THSD7A: variants seen among roughly 807,000 people sequenced by gnomAD.
THSD7A encodes thrombospondin type-1 domain-containing protein 7A.
THSD7A carries 96 observed loss-of-function variants against 231.3 expected under a neutral mutation model. The observed-to-expected ratio is 0.41, with a 90% CI of 0.35 to 0.49. The LOEUF is 0.49. Among genes scored for constraint, THSD7A ranks in the 20% least tolerant of loss-of-function variants. The pLI is 0.05. For missense variants in THSD7A, 2,290 were observed against 2,070.2 expected, an observed-to-expected ratio of 1.11 and a Z score of -2.06; for synonymous variants, 940 against 743.3, an observed-to-expected ratio of 1.26 and a Z score of -4.30.
At chr7:11,798,662 A>T (rs184183705) in intron 1 of THSD7A, among the ~76,000 whole-genome samples, 1 of 152,136 alleles carries the variant, frequency 6.6e-6, no homozygotes, top group Admixed American at 6.6e-5. Flanking sequence ...TTAGAACTGA[A>T]AAATGTGAAC....
intron 4 of THSD7A, among the ~76,000 whole-genome samples, chr7:11,543,942 T>C (rs1789260518): frequency 6.6e-6 from 1 of 152,356 alleles, no homozygotes; most frequent in South Asian, 2.1e-4. Context: ...TAAAACTATA[T>C]GGACAGAGGA....
intron 1 of THSD7A, among the ~76,000 whole-genome samples, chr7:11,648,641 T>TGTGTGTGG (rs762320991): frequency 6.6e-6 from 1 of 150,410 alleles, no homozygotes; most frequent in Admixed American, 6.7e-5. Context: ...TTGTGGCGTG[T>TGTGTGTGG]GTGTGTGTGT....
At chr7:11,624,937 T>C (rs1260839556) in intron 2 of THSD7A, among the ~76,000 whole-genome samples, 3 of 152,118 alleles carry the variant, frequency 2.0e-5, no homozygotes, top group African/African-American at 2.4e-5. Flanking sequence ...TAGATTAGAA[T>C]GCCAGAGAAG....
chr7:11,687,791 C>G (rs1442384344), intron 1 of THSD7A, among the ~76,000 whole-genome samples: 1 of 151,854 alleles, frequency 6.6e-6, no homozygotes, highest in Non-Finnish European at 1.5e-5. Flanking sequence ...GCTAATGAAG[C>G]CAACTAGAAC....
intron 6 of THSD7A, among the ~76,000 whole-genome samples, chr7:11,492,447 G>A (rs1392162275): frequency 6.6e-6 from 1 of 151,998 alleles, no homozygotes; most frequent in Non-Finnish European, 1.5e-5. Flanking sequence ...TTATGAAATA[G>A]CTTAAATATA....
At chr7:11,521,228 A>G (rs1788248767) in intron 6 of THSD7A, among the ~76,000 whole-genome samples, 1 of 152,152 alleles carries the variant, frequency 6.6e-6, no homozygotes, top group Non-Finnish European at 1.5e-5. Flanking sequence ...TAGTTGCTCC[A>G]TTAGAAGTAC....
intron 1 of THSD7A, among the ~76,000 whole-genome samples, chr7:11,657,569 A>G (rs75754007): frequency 6.6e-6 from 1 of 151,678 alleles, no homozygotes; most frequent in East Asian, 1.9e-4. Flanking sequence ...TACACTCTTA[A>G]GTTATGTAGG....
In THSD7A at chr7:11,400,226, G is replaced by A. The variant is rs537906546; in HGVS notation, c.4411+1569C>T. 1.1e-4 allele frequency among the ~76,000 whole-genome samples: 17 copies of A among 151,350 alleles called. No individual in the cohort carries two copies. The South Asian group carries it at 3.6e-3, about 32-fold the overall frequency. ...ACCTAATGTAAATGACGAGTTAATG[G>A]GTGCAGCACACCAACATGGCACATG... On this transcript the variant is annotated intron_variant, in intron 23 of 27. Coordinates refer to ENST00000423059, the MANE Select transcript of THSD7A (RefSeq NM_015204.3).
At chr7:11,455,023 G>A (rs1338216474) in intron 11 of THSD7A, among the ~76,000 whole-genome samples, 1 of 152,016 alleles carries the variant, frequency 6.6e-6, no homozygotes, top group Non-Finnish European at 1.5e-5. Flanking sequence ...TGAAGGTGAG[G>A]TCATGAGTGT....
At chr7:11,771,585 A>G (rs1028439133) in intron 1 of THSD7A, among the ~76,000 whole-genome samples, 1 of 152,124 alleles carries the variant, frequency 6.6e-6, no homozygotes, top group Non-Finnish European at 1.5e-5. Context: ...ATTTCAATAT[A>G]TACATACCAG....
At chr7:11,755,794 A>T (rs1246281636) in intron 1 of THSD7A, among the ~76,000 whole-genome samples, 2 of 152,054 alleles carry the variant, frequency 1.3e-5, no homozygotes, top group African/African-American at 4.8e-5. Context: ...GATAAGTTTA[A>T]ATTTCAAAGA....
At chr7:11,785,873 G>A (rs1783773582) in intron 1 of THSD7A, among the ~76,000 whole-genome samples, 2 of 152,016 alleles carry the variant, frequency 1.3e-5, no homozygotes, top group South Asian at 2.1e-4. Flanking sequence ...AACATCAAAT[G>A]TGCTCTTAGG....
intron 6 of THSD7A, among the ~76,000 whole-genome samples, chr7:11,484,678 T>G (rs1047124473): frequency 2.6e-4 from 39 of 152,044 alleles, no homozygotes; most frequent in African/African-American, 9.2e-4. Flanking sequence ...GTTAAATAAA[T>G]ACATAAATTT....
intron 6 of THSD7A, among the ~76,000 whole-genome samples, chr7:11,506,600 A>G (rs1167411955): frequency 1.3e-5 from 2 of 152,162 alleles, no homozygotes; most frequent in Admixed American, 6.5e-5. Flanking sequence ...CCCAACTTCT[A>G]AAAGGCCCTG....
chr7:11,518,041 G>C (rs1788105762), intron 6 of THSD7A, among the ~76,000 whole-genome samples: 1 of 152,172 alleles, frequency 6.6e-6, no homozygotes, highest in African/African-American at 2.4e-5. Flanking sequence ...AAGAGAGCTT[G>C]ACTGCTTGCT....
intron 1 of THSD7A, among the ~76,000 whole-genome samples, chr7:11,714,448 T>C (rs1304836847): frequency 6.6e-6 from 1 of 151,202 alleles, no homozygotes; most frequent in African/African-American, 2.4e-5. Context: ...TACTTTCCAT[T>C]TTGTATAGAT....
chr7:11,650,390 C>T (rs74665945), intron 1 of THSD7A, among the ~76,000 whole-genome samples: 4,575 of 152,138 alleles, frequency 0.03, 102 homozygotes, highest in South Asian at 0.046. Context: ...GTTTCATTCC[C>T]CATCTACAAT....
intron 6 of THSD7A, among the ~76,000 whole-genome samples, chr7:11,532,711 G>GA (rs1443925394): frequency 6.6e-6 from 1 of 152,084 alleles, no homozygotes; most frequent in East Asian, 1.9e-4. Flanking sequence ...AAATTCCCAG[G>GA]AAAAATGTTA....
chr7:11,695,806 C>T (rs551213571), intron 1 of THSD7A, among the ~76,000 whole-genome samples: 40 of 151,582 alleles, frequency 2.6e-4, no homozygotes, highest in African/African-American at 9.2e-4. Context: ...AAACCAATGA[C>T]ATTTTTCAAT....
Sources: allele counts gnomAD v4.1 joint callset (sites outside exome capture counted in the v4.1 genomes callset), GRCh38; gene constraint gnomAD v4.1.1; transcripts MANE v1.5; gene names NCBI Gene and HGNC (gene_info 2026-07-23, HGNC 2026-07-21).